Variants in CCDC112 observed in about 807,000 individuals in gnomAD.
CCDC112 encodes coiled-coil domain-containing protein 112.
A neutral mutation model predicts 66.3 loss-of-function variants in CCDC112; 40 were observed. The observed-to-expected ratio is 0.60, with a 90% CI of 0.47 to 0.79. CCDC112 has a LOEUF of 0.79. Ranked by LOEUF, CCDC112 falls within the 30% of genes least tolerant of loss-of-function variation. The pLI is 0.00. For missense variants in CCDC112, 659 were observed against 603.8 expected, an observed-to-expected ratio of 1.09 and a Z score of -0.96; for synonymous variants, 214 against 197.2, an observed-to-expected ratio of 1.09 and a Z score of -0.71.
In CCDC112 at chr5:115,275,438, C is replaced by T. The variant is rs1371208468; in HGVS notation, c.696G>A (p.Glu232=). Residue 232 remains glutamate (E), a synonymous_variant, in exon 6 of 10, where the codon GAG becomes GAA. Coordinates refer to ENST00000379611, the MANE Select transcript of CCDC112 (RefSeq NM_001040440.3). ...GAAGGAATTTTTCAAAATCTAGTAC[C>T]TCTTCTGGAAGAGTACTTGGTGTTA... ...DKVTPSTLPE[E]VLDFEKFLQQ... 1.2e-6 allele frequency: 2 copies of T among 1,613,950 alleles called. No homozygotes were observed. Among genetic ancestry groups the T allele is most frequent in the Non-Finnish European group, 1.7e-6 (2 of 1,179,914 alleles).
In CCDC112 at chr5:115,296,458, G is replaced by A. The variant is rs1750162839; in HGVS notation, c.86C>T (p.Thr29Ile). ...AVAGAGAATG[T>I]GVGATPAPQQ... ...AGGCGCTGGCGTCGCTCCCACGCCG[G>A]TCCCGGTGGCCGCGCCCGCCCCTGC... Residue 29 changes from threonine (T) to isoleucine (I), a missense_variant, in exon 1 of 10, where the codon ACC (threonine) becomes ATC (isoleucine). Coordinates refer to ENST00000379611, the MANE Select transcript of CCDC112 (RefSeq NM_001040440.3). 2 of 1,562,828 alleles carry A rather than the reference G, an allele frequency of 1.3e-6. No homozygotes were observed. Among genetic ancestry groups the A allele is most frequent in the Non-Finnish European group, 1.7e-6 (2 of 1,162,020 alleles).
At position 115,288,972 on chromosome 5, in the gene CCDC112, G is replaced by C. The variant is rs1008023324; in HGVS notation, c.118-4064C>G. 1.7e-4 allele frequency: 56 copies of C among 323,960 alleles called. 1 individual carries two copies. The highest frequency in any genetic ancestry group is 1.2e-3 in the African/African-American group (53 of 43,910). 20.1% of individuals were successfully genotyped at this position (323,960 alleles called of 1,614,324 possible). A position where few individuals can be genotyped will look rare whatever the true frequency, so the allele number is the denominator to read the frequency against. On this transcript the variant is annotated intron_variant, in intron 1 of 9. Transcript: ENST00000379611. ...CAGGGACTACTAAGACACAGTAGAT[G>C]ATATTAATCAGATTGGCTTCCTTTT...
chr5:115,287,965 C>T (rs1749751131), intron 1 of CCDC112, among the ~76,000 whole-genome samples: 1 of 151,906 alleles, frequency 6.6e-6, no homozygotes. Context: ...AACACAGGTA[C>T]CAAAAATCTA....
chr5:115,291,738 C>T (rs760514255), intron 1 of CCDC112, among the ~76,000 whole-genome samples: 38 of 152,244 alleles, frequency 2.5e-4, no homozygotes, highest in Non-Finnish European at 4.7e-4. Flanking sequence ...CTCAGTATGT[C>T]TTAAATTCTT....
chr5:115,271,367 C>T lies in CCDC112; in HGVS notation c.1178G>A (p.Arg393His), dbSNP rs185790295. Residue 393 changes from arginine to histidine, a missense_variant, in exon 7 of 10, where the codon CGC becomes CAC. Physicochemically the swap from Arg to His is conservative, Grantham distance 29 (BLOSUM62 0). Transcript: ENST00000379611. ...TAGTAGTAATTTTAACTTAAACTGG[C>T]GCTGGCGTTCTTTCTGATGTTTTTT... ...KEKKHQKERQ[R>H]QFKLKLLLES... is the part of the protein sequence containing the mutation. 4.3e-4 allele frequency: 689 copies of T among 1,611,194 alleles called. 6 individuals carry two copies. The Admixed American group carries it at 9.5e-3, about 22-fold the overall frequency.
At chr5:115,270,728 T>C (rs1206488461) in intron 7 of CCDC112, among the ~76,000 whole-genome samples, 1 of 152,208 alleles carries the variant, frequency 6.6e-6, no homozygotes, top group African/African-American at 2.4e-5. Context: ...TGCCTATGGC[T>C]ACCTTTCTAG....
chr5:115,280,140 A>G (rs1749390309), intron 2 of CCDC112, among the ~76,000 whole-genome samples: 1 of 152,168 alleles, frequency 6.6e-6, no homozygotes, highest in Admixed American at 6.5e-5. Flanking sequence ...GATACTATTA[A>G]TTTTGTAACC....
At chr5:115,290,614 A>C (rs1355590371) in intron 1 of CCDC112, among the ~76,000 whole-genome samples, 1 of 152,224 alleles carries the variant, frequency 6.6e-6, no homozygotes, top group Non-Finnish European at 1.5e-5. Context: ...CTTCAAAATC[A>C]TAAACATTAA....
At chr5:115,268,046 A>G in intron 9 of CCDC112, 128 bp from the exon 10 acceptor site, 1 of 698,826 alleles carries the variant, frequency 1.4e-6, no homozygotes, top group African/African-American at 1.8e-5. Flanking sequence ...GCTGGTTCAT[A>G]TGGGCATGTA....
At chr5:115,278,308 C>A (rs1487169411) in intron 3 of CCDC112, among the ~76,000 whole-genome samples, 1 of 151,812 alleles carries the variant, frequency 6.6e-6, no homozygotes, top group Non-Finnish European at 1.5e-5. Context: ...GACATAAATG[C>A]AGACTAAAAT....
intron 1 of CCDC112, among the ~76,000 whole-genome samples, chr5:115,295,718 G>A (rs748242226): frequency 9.2e-5 from 14 of 152,156 alleles, no homozygotes; most frequent in Non-Finnish European, 1.8e-4. Context: ...TCTCATGGGG[G>A]TGCGAGGGAG....
chr5:115,291,009 G>C (rs776847952), intron 1 of CCDC112, among the ~76,000 whole-genome samples: 5 of 152,050 alleles, frequency 3.3e-5, no homozygotes, highest in Non-Finnish European at 7.4e-5. Flanking sequence ...GCCCTAGTTA[G>C]AACTTTCAGT....
chr5:115,289,665 T>G (rs776842920), intron 1 of CCDC112, among the ~76,000 whole-genome samples: 1 of 152,214 alleles, frequency 6.6e-6, no homozygotes, highest in Non-Finnish European at 1.5e-5. Flanking sequence ...CTTATCAACA[T>G]ATAATTTGCA....
chr5:115,283,526 G>A (rs1006252101), intron 2 of CCDC112, among the ~76,000 whole-genome samples: 7 of 152,086 alleles, frequency 4.6e-5, no homozygotes, highest in East Asian at 3.8e-4. Flanking sequence ...TAATTAGCTT[G>A]ATTGTGGTAA....
At chr5:115,288,807 A>C (rs1447261334) in intron 1 of CCDC112, among the ~76,000 whole-genome samples, 1 of 152,058 alleles carries the variant, frequency 6.6e-6, no homozygotes, top group African/African-American at 2.4e-5. Flanking sequence ...AAATGATTTC[A>C]CCTCTTAAAG....
chr5:115,274,459 A>G (rs1431532753), intron 6 of CCDC112, among the ~76,000 whole-genome samples: 1 of 152,154 alleles, frequency 6.6e-6, no homozygotes, highest in East Asian at 1.9e-4. Flanking sequence ...AATAAGCAAT[A>G]TGGTTGAAGT....
intron 3 of CCDC112, among the ~76,000 whole-genome samples, chr5:115,277,982 C>G (rs540337943): frequency 2.6e-5 from 4 of 152,036 alleles, no homozygotes; most frequent in Non-Finnish European, 5.9e-5. Context: ...AAAAAGTTTA[C>G]CTATAGGTTT....
chr5:115,295,527 G>A (rs1178802390), intron 1 of CCDC112, among the ~76,000 whole-genome samples: 1 of 152,116 alleles, frequency 6.6e-6, no homozygotes, highest in Non-Finnish European at 1.5e-5. Flanking sequence ...CCTTAAAGGA[G>A]GAAAAAGATG....
intron 2 of CCDC112, among the ~76,000 whole-genome samples, chr5:115,282,582 TA>T (rs748526918): frequency 2.4e-4 from 36 of 151,378 alleles, no homozygotes; most frequent in Admixed American, 1.6e-3. Flanking sequence ...ACATACACTT[TA>T]AAAAAAAATG....
Sources: allele counts gnomAD v4.1 joint callset (sites outside exome capture counted in the v4.1 genomes callset), GRCh38; gene constraint gnomAD v4.1.1; transcripts MANE v1.5; gene names NCBI Gene and HGNC (gene_info 2026-07-23, HGNC 2026-07-21).